FRMD6: variants seen among roughly 807,000 people sequenced by gnomAD.
FRMD6 encodes the protein FERM domain containing 6, also known as FERM domain-containing protein 6.
A neutral mutation model predicts 73.2 loss-of-function variants in FRMD6; 37 were observed. The observed-to-expected ratio is 0.51, with a 90% confidence interval of 0.39 to 0.66. FRMD6 has a LOEUF of 0.66. Ranked by LOEUF, FRMD6 falls within the 30% of genes least tolerant of loss-of-function variation. The pLI is 0.00. For missense variants in FRMD6, 714 were observed against 780.5 expected (o/e 0.91, Z 1.02); for synonymous variants, 273 against 282.2 (o/e 0.97, Z 0.33).
chr14:51,595,644 T>C (rs1889672735), intron 2 of FRMD6, among the ~76,000 whole-genome samples: 1 of 152,214 alleles, frequency 6.6e-6, no homozygotes, highest in Admixed American at 6.5e-5. Flanking sequence ...GAAGCCCTTC[T>C]GTTTCATGGA....
the FRMD6 span, among the ~76,000 whole-genome samples, chr14:51,466,180 G>A: frequency 6.6e-6 from 1 of 152,072 alleles, no homozygotes; most frequent in Admixed American, 6.5e-5. Flanking sequence ...CTGGATACAA[G>A]TCTTTTATAT....
chr14:51,715,519 G>A lies in FRMD6; in HGVS notation c.1024+20G>A. On this transcript the variant is annotated intron_variant, in intron 10 of 13. Coordinates refer to ENST00000344768, the MANE Select transcript of FRMD6 (RefSeq NM_001267046.2). ...ACGAAGGTATTGCAGGGTCTGGGGT[G>A]TGGAAGCAAATTGTACCTTTGCCAC... 6.4e-7 allele frequency: 1 copy of A among 1,566,346 alleles called. No homozygotes were observed. Among genetic ancestry groups the A allele is most frequent in the Non-Finnish European group, 8.7e-7 (1 of 1,153,350 alleles).
intron 2 of FRMD6, among the ~76,000 whole-genome samples, chr14:51,630,624 G>A (rs1317411424): frequency 1.3e-5 from 2 of 152,118 alleles, no homozygotes; most frequent in African/African-American, 2.4e-5. Flanking sequence ...GCATGCGCCT[G>A]TAGTCCCAGC....
intron 2 of FRMD6, among the ~76,000 whole-genome samples, chr14:51,614,740 T>C (rs1380580310): frequency 6.6e-6 from 1 of 152,196 alleles, no homozygotes; most frequent in Non-Finnish European, 1.5e-5. Flanking sequence ...CATGTTATAG[T>C]TGAAAGAATG....
chr14:51,696,462 C>G (rs908796255), intron 2 of FRMD6, among the ~76,000 whole-genome samples: 2 of 151,392 alleles, frequency 1.3e-5, no homozygotes, highest in African/African-American at 4.8e-5. Context: ...AAAATTGTAT[C>G]TTTTAAAGAC....
At chr14:51,545,842 G>A (rs970031067) in intron 1 of FRMD6, among the ~76,000 whole-genome samples, 2 of 151,990 alleles carry the variant, frequency 1.3e-5, no homozygotes, top group African/African-American at 4.8e-5. Flanking sequence ...TTTACTAGCA[G>A]CATACAAGGG....
the FRMD6 span, among the ~76,000 whole-genome samples, chr14:51,434,093 A>C: frequency 6.6e-6 from 1 of 152,152 alleles, no homozygotes; most frequent in African/African-American, 2.4e-5. Context: ...AATAAGTTAA[A>C]AATAAGGAAG....
At chr14:51,557,228 T>C (rs1887183081) in intron 1 of FRMD6, among the ~76,000 whole-genome samples, 1 of 147,288 alleles carries the variant, frequency 6.8e-6, no homozygotes, top group South Asian at 2.2e-4. Flanking sequence ...TGTCCATCAA[T>C]GGATGAGAAA....
chr14:51,517,910 A>G (rs1354455630), intron 1 of FRMD6, among the ~76,000 whole-genome samples: 1 of 152,188 alleles, frequency 6.6e-6, no homozygotes, highest in Non-Finnish European at 1.5e-5. Context: ...GTGACTGTCT[A>G]CAGCTGACAA....
chr14:51,408,189 C>A, the FRMD6 span, among the ~76,000 whole-genome samples: 55 of 150,636 alleles, frequency 3.7e-4, no homozygotes, highest in South Asian at 0.011. Context: ...TACAATATCA[C>A]TCTGTTGCCC....
intron 1 of FRMD6, among the ~76,000 whole-genome samples, chr14:51,567,938 T>C (rs1887867519): frequency 6.6e-6 from 1 of 152,262 alleles, no homozygotes. Flanking sequence ...GAAAATAGTC[T>C]TTGCTGACAC....
chr14:51,428,979 A>AGGGGAGAGAGAGGGTGAGAGAGAG, the FRMD6 span, among the ~76,000 whole-genome samples: 1 of 113,344 alleles, frequency 8.8e-6, no homozygotes, highest in East Asian at 3.1e-4. Flanking sequence ...TGAGAGACAG[A>AGGGGAGAGAGAGGGTGAGAGAGAG]GGGGAGAGAG....
In FRMD6 at chr14:51,727,808, C is replaced by G. The variant is rs1898062846; in HGVS notation, c.1648C>G (p.Leu550Val). 6.2e-7 allele frequency: 1 copy of G among 1,613,950 alleles called. No individual in the cohort carries two copies. The highest frequency in any genetic ancestry group is 1.1e-5 in the South Asian group (1 of 91,088). The change falls in exon 14 of 14, where the codon CTT becomes GTT. Residue 550 changes from leucine to valine, a missense_variant. By Grantham distance (32) the Leu-to-Val change is conservative. Coordinates refer to ENST00000344768, the MANE Select transcript of FRMD6 (RefSeq NM_001267046.2). ...RHSLSLDDIRLYQKDFLRIAG... is the reference protein window; with the variant it reads ...RHSLSLDDIRVYQKDFLRIAG... ...CAGCTTGAGCCTCGATGACATCAGA[C>G]TTTACCAGAAAGACTTCCTGCGCAT...
intron 1 of FRMD6, among the ~76,000 whole-genome samples, chr14:51,524,377 T>C (rs971288240): frequency 1.2e-4 from 19 of 152,152 alleles, no homozygotes; most frequent in African/African-American, 4.1e-4. Flanking sequence ...TTTATCATTA[T>C]ATCGTATTTA....
intron 1 of FRMD6, among the ~76,000 whole-genome samples, chr14:51,537,810 T>C (rs1489229689): frequency 6.6e-6 from 1 of 152,218 alleles, no homozygotes; most frequent in South Asian, 2.1e-4. Context: ...TACATCTTCT[T>C]TGGTGTGGTG....
At chr14:51,616,868 A>G (rs1363398336) in intron 2 of FRMD6, among the ~76,000 whole-genome samples, 4 of 152,368 alleles carry the variant, frequency 2.6e-5, no homozygotes, top group Middle Eastern at 3.4e-3. Context: ...CCACCTATGT[A>G]ATTAGCTGAG....
rs1384705395 is a variant in FRMD6 at position 51,660,623 on chromosome 14, A to AAAC, written c.-147+8629_-147+8630insCAA. The stretch of plus-strand genomic sequence containing the variant: ...GTGAATAAAATAAAGGAAAAAAAAA[A>AAAC]AAAAAAAATTCTGCCTTCGTGGACC... On this transcript the variant is annotated intron_variant, in intron 1 of 13. Coordinates refer to ENST00000344768, the MANE Select transcript of FRMD6 (RefSeq NM_001267046.2). Among the ~76,000 whole-genome samples the AAAC allele has an allele frequency of 8.0e-4, 122 of 151,786 alleles. 1 individual carries two copies. The highest frequency in any genetic ancestry group is 2.8e-3 in the African/African-American group (116 of 41,356).
intron 1 of FRMD6, among the ~76,000 whole-genome samples, chr14:51,505,458 G>C (rs1337758778): frequency 6.6e-6 from 1 of 152,090 alleles, no homozygotes; most frequent in East Asian, 1.9e-4. Flanking sequence ...CACATGTCAG[G>C]GACAAGGACA....
the FRMD6 span, among the ~76,000 whole-genome samples, chr14:51,463,603 G>A: frequency 6.6e-6 from 1 of 152,318 alleles, no homozygotes; most frequent in Admixed American, 6.5e-5. Context: ...AAGTAGAATT[G>A]GCAAGGCCAG....
Sources: allele counts gnomAD v4.1 joint callset (sites outside exome capture counted in the v4.1 genomes callset), GRCh38; gene constraint gnomAD v4.1.1; transcripts MANE v1.5; gene names NCBI Gene and HGNC (gene_info 2026-07-23, HGNC 2026-07-21).